SGCZ: variants seen among roughly 807,000 people sequenced by gnomAD.
SGCZ encodes the protein sarcoglycan zeta.
In SGCZ, 40 loss-of-function variants were observed where a neutral mutation model predicts 41.3. The ratio of observed to expected loss-of-function variants is 0.97; its 90% CI spans 0.75 to 1.26. The LOEUF (loss-of-function observed/expected upper bound fraction) is 1.26, where lower values mean the gene tolerates loss of function less well. Among genes scored for constraint, SGCZ ranks in the 50% most tolerant of loss-of-function variants. The probability of loss-of-function intolerance (pLI) is 0.00; values close to 1 mark genes in which losing one functional copy is unlikely to be tolerated. For missense variants in SGCZ, 552 were observed against 369.8 expected, an observed-to-expected ratio of 1.49 and a Z score of -4.04; for synonymous variants, 206 against 137.5, an observed-to-expected ratio of 1.50 and a Z score of -3.49.
chr8:14,836,439 T>G (rs903647723), intron 1 of SGCZ, among the ~76,000 whole-genome samples: 1 of 152,200 alleles, frequency 6.6e-6, no homozygotes, highest in African/African-American at 2.4e-5. Flanking sequence ...TCCCATACAA[T>G]AACCTGGTAT....
chr8:14,825,222 T>G (rs1802260194), intron 1 of SGCZ, among the ~76,000 whole-genome samples: 1 of 152,158 alleles, frequency 6.6e-6, no homozygotes, highest in Admixed American at 6.5e-5. Context: ...AAAGAAAACC[T>G]TTTATAGCTT....
At chr8:14,161,732 T>C (rs1296542582) in intron 5 of SGCZ, among the ~76,000 whole-genome samples, 10 of 152,132 alleles carry the variant, frequency 6.6e-5, no homozygotes, top group Admixed American at 6.6e-4. Context: ...TCTGAGATAA[T>C]TGGAAAATAT....
At chr8:14,847,994 A>T (rs1803193106) in intron 1 of SGCZ, among the ~76,000 whole-genome samples, 2 of 152,138 alleles carry the variant, frequency 1.3e-5, no homozygotes, top group East Asian at 3.9e-4. Context: ...AGAAAATTAA[A>T]TATAACCTAC....
intron 1 of SGCZ, among the ~76,000 whole-genome samples, chr8:14,720,548 C>T (rs1198387012): frequency 6.6e-6 from 1 of 152,026 alleles, no homozygotes. Context: ...CACTCTGTAT[C>T]AGTGGTCATC....
At chr8:14,435,002 T>A (rs1486408646) in intron 2 of SGCZ, among the ~76,000 whole-genome samples, 1 of 152,186 alleles carries the variant, frequency 6.6e-6, no homozygotes, top group Non-Finnish European at 1.5e-5. Flanking sequence ...TGTTCATTAT[T>A]TAAAAAAATA....
chr8:15,099,069 CA>C (rs1806501607), intron 1 of SGCZ, among the ~76,000 whole-genome samples: 1 of 152,080 alleles, frequency 6.6e-6, no homozygotes, highest in Admixed American at 6.5e-5. Flanking sequence ...AAAAAACAAA[CA>C]AACAACAAAA....
chr8:14,117,445 T>A (rs1250648778), intron 5 of SGCZ, among the ~76,000 whole-genome samples: 1 of 144,684 alleles, frequency 6.9e-6, no homozygotes, highest in Non-Finnish European at 1.5e-5. Flanking sequence ...TGTGTGTGAA[T>A]GCAGAGTATA....
intron 1 of SGCZ, among the ~76,000 whole-genome samples, chr8:14,629,867 G>A (rs1181768247): frequency 6.6e-6 from 1 of 152,016 alleles, no homozygotes; most frequent in Non-Finnish European, 1.5e-5. Context: ...CATATATCTA[G>A]AATGTCCAAT....
intron 2 of SGCZ, among the ~76,000 whole-genome samples, chr8:14,551,415 G>T (rs1450882418): frequency 1.0e-5 from 1 of 98,672 alleles, no homozygotes; most frequent in South Asian, 3.0e-4. Context: ...TCAACAAATT[G>T]ATGATTCAAA....
chr8:15,103,326 G>A (rs529057946), intron 1 of SGCZ, among the ~76,000 whole-genome samples: 14 of 152,064 alleles, frequency 9.2e-5, no homozygotes, highest in African/African-American at 1.4e-4. Flanking sequence ...AGTTGAACCT[G>A]GGAGGCAGAG....
At chr8:14,478,223 T>C (rs76205407) in intron 2 of SGCZ, among the ~76,000 whole-genome samples, 8,303 of 152,318 alleles carry the variant, frequency 0.055, 738 homozygotes, top group African/African-American at 0.19. Context: ...AAACAGGTCC[T>C]CGCTAAAACC....
intron 1 of SGCZ, among the ~76,000 whole-genome samples, chr8:14,901,525 A>G (rs1798967859): frequency 6.6e-6 from 1 of 152,150 alleles, no homozygotes; most frequent in African/African-American, 2.4e-5. Flanking sequence ...AAAAAATATC[A>G]ATAGCAATTT....
chr8:14,720,258 G>A (rs1028376211), intron 1 of SGCZ, among the ~76,000 whole-genome samples: 7 of 151,566 alleles, frequency 4.6e-5, no homozygotes, highest in South Asian at 2.1e-4. Flanking sequence ...AAAAATGAAC[G>A]ATGCCCACTG....
At chr8:14,556,691 T>C (rs1273070327) in intron 1 of SGCZ, among the ~76,000 whole-genome samples, 1 of 152,068 alleles carries the variant, frequency 6.6e-6, no homozygotes, top group African/African-American at 2.4e-5. Flanking sequence ...ATGGAATGTT[T>C]GGTTTTCCAT....
At chr8:14,247,512 C>T (rs192049777) in intron 3 of SGCZ, among the ~76,000 whole-genome samples, 95 of 152,298 alleles carry the variant, frequency 6.2e-4, no homozygotes, top group African/African-American at 2.2e-3. Context: ...GAAACAAATG[C>T]TTCTAGACTC....
At chr8:14,917,368 T>A (rs1232767053) in intron 1 of SGCZ, among the ~76,000 whole-genome samples, 2 of 152,136 alleles carry the variant, frequency 1.3e-5, no homozygotes, top group African/African-American at 4.8e-5. Flanking sequence ...ATATCGTAAC[T>A]TTAACCAAGT....
At chr8:14,388,484 A>G (rs1804650493) in intron 2 of SGCZ, among the ~76,000 whole-genome samples, 2 of 152,152 alleles carry the variant, frequency 1.3e-5, no homozygotes, top group African/African-American at 4.8e-5. Context: ...CTATCTGATG[A>G]TTTTAATTTT....
chr8:14,492,640 A>G (rs9694622), intron 2 of SGCZ, among the ~76,000 whole-genome samples: 74,397 of 151,920 alleles, frequency 0.49, 18,399 homozygotes, highest in Admixed American at 0.55. Flanking sequence ...TCTTGAGTCT[A>G]GTACAAGTAC....
chr8:14,223,460 T>C (rs896943907), intron 4 of SGCZ, among the ~76,000 whole-genome samples: 1 of 152,228 alleles, frequency 6.6e-6, no homozygotes, highest in African/African-American at 2.4e-5. Context: ...TGAATATTGA[T>C]GTAAAGTAAT....
Sources: allele counts gnomAD v4.1 joint callset (sites outside exome capture counted in the v4.1 genomes callset), GRCh38; gene constraint gnomAD v4.1.1; transcripts MANE v1.5; gene names NCBI Gene and HGNC (gene_info 2026-07-23, HGNC 2026-07-21).